The following PPEF1 variants were observed in gnomAD, a reference collection of about 807,000 sequenced individuals.
PPEF1 encodes the protein serine/threonine-protein phosphatase with EF-hands 1.
Under a neutral mutation model 53.3 loss-of-function variants are expected in PPEF1, and 12 were observed. The ratio of observed to expected loss-of-function variants is 0.23; its 90% CI spans 0.14 to 0.36. The LOEUF is 0.36. Among genes scored for constraint, PPEF1 ranks in the 10% least tolerant of loss-of-function variants. The pLI, the probability that PPEF1 is intolerant of heterozygous loss-of-function variation, is 1.00. For synonymous variants in PPEF1, 165 were observed against 176.7 expected (o/e 0.93, Z 0.52); for missense variants, 334 against 490.4 (o/e 0.68, Z 3.01).
Position 18,806,501 on chromosome X carries a change from G to A in PPEF1, c.1350G>A (p.Gln450=). ...CTGGTACAACTCCTCGATTTTTCCA[G>A]TACCAAGTAACTAAAGCAACGTGCT... The part of the protein sequence containing the change: ...LCSGTTPRFF[Q]YQVTKATCFQ... The change falls in exon 12 of 16, where the codon CAG becomes CAA. Residue 450 remains glutamine, a synonymous_variant. Coordinates refer to ENST00000470157, the MANE Select transcript of PPEF1 (RefSeq NM_001377996.1). The A allele has an allele frequency of 8.3e-7, 1 of 1,209,944 alleles. No homozygotes were observed. Among genetic ancestry groups the A allele is most frequent in the Non-Finnish European group, 1.1e-6 (1 of 894,408 alleles).
intron 3 of PPEF1, among the ~76,000 whole-genome samples, chrX:18,743,446 CTTT>C (rs72264344): frequency 1.8e-3 from 107 of 59,327 alleles, no homozygotes; most frequent in African/African-American, 7.4e-3. Context: ...TTCTCTTTTT[CTTT>C]TTTTTTTTTT....
intron 13 of PPEF1, among the ~76,000 whole-genome samples, chrX:18,820,046 A>G (rs370685384): frequency 4.4e-4 from 49 of 111,964 alleles, no homozygotes; most frequent in African/African-American, 1.6e-3. Context: ...CCATAGAATC[A>G]TATACACCAA....
intron 10 of PPEF1, among the ~76,000 whole-genome samples, chrX:18,795,368 C>T (rs1318485532): frequency 1.8e-5 from 2 of 112,025 alleles, no homozygotes; most frequent in East Asian, 5.6e-4. Flanking sequence ...GTCTGCCAAG[C>T]CCCTAACACT....
intron 10 of PPEF1, among the ~76,000 whole-genome samples, chrX:18,795,041 G>A (rs984036767): frequency 1.8e-5 from 2 of 112,198 alleles, no homozygotes; most frequent in African/African-American, 3.2e-5. Flanking sequence ...TGGGCGTGGT[G>A]GCTCACGCCT....
chrX:18,754,856 T>C (rs1276671068), intron 4 of PPEF1, among the ~76,000 whole-genome samples: 2 of 111,849 alleles, frequency 1.8e-5, no homozygotes, highest in Admixed American at 1.9e-4. Context: ...CCACTTCGGC[T>C]TCCCAAAGTG....
At chrX:18,703,066 A>G (rs898281502), upstream of PPEF1, among the ~76,000 whole-genome samples, 3 of 110,929 alleles carry the variant, frequency 2.7e-5, no homozygotes, top group African/African-American at 9.9e-5. Context: ...TTACCAAGTC[A>G]TGGAAAATCC....
At chrX:18,686,871 G>A (rs1007978762) in intron 3 of PPEF1, among the ~76,000 whole-genome samples, 1 of 75,962 alleles carries the variant, frequency 1.3e-5, no homozygotes, top group South Asian at 8.8e-4. Flanking sequence ...GCTTAACACA[G>A]AGCGCTTGGT....
upstream of PPEF1, among the ~76,000 whole-genome samples, chrX:18,680,966 A>G (rs1308772227): frequency 1.8e-5 from 2 of 111,317 alleles, no homozygotes; most frequent in African/African-American, 6.5e-5. Context: ...TTATGGCTGC[A>G]TAGTATTCTA....
chrX:18,744,171 G>C (rs891435950), intron 3 of PPEF1, among the ~76,000 whole-genome samples: 2 of 112,046 alleles, frequency 1.8e-5, no homozygotes, highest in Non-Finnish European at 3.8e-5. Context: ...GATTACAGGC[G>C]TGAGCCATTG....
intron 1 of PPEF1, among the ~76,000 whole-genome samples, chrX:18,720,606 A>C (rs1202890390): frequency 9.0e-6 from 1 of 111,235 alleles, no homozygotes; most frequent in South Asian, 3.8e-4. Context: ...AAAAAACAAA[A>C]ATTTCTTTCA....
In PPEF1 at chrX:18,776,227, G is replaced by A. The variant is rs762778638; in HGVS notation, c.559-2783G>A. Reference sequence around the variant, plus strand: ...TTTCTTTGTGGTTGGTTGGTTGGTTGGTTGGTTGGTTGGTTGGTTTGTTTT... The same window carrying A: ...TTTCTTTGTGGTTGGTTGGTTGGTTAGTTGGTTGGTTGGTTGGTTTGTTTT... On this transcript the variant is annotated intron_variant, in intron 6 of 15. Coordinates refer to ENST00000470157, the MANE Select transcript of PPEF1 (RefSeq NM_001377996.1). 4.5e-5 allele frequency among the ~76,000 whole-genome samples: 5 copies of A among 110,616 alleles called. No homozygotes were observed. The East Asian group carries it at 1.4e-3, about 32-fold the overall frequency.
chrX:18,691,707 TAAAG>T (rs1386924780), intron 4 of PPEF1: 4 of 112,170 alleles, frequency 3.6e-5, no homozygotes, highest in Non-Finnish European at 7.5e-5. Flanking sequence ...ACATACAAGA[TAAAG>T]AAACAGATTG....
At chrX:18,719,052 A>G (rs1479419771) in intron 1 of PPEF1, among the ~76,000 whole-genome samples, 2 of 112,466 alleles carry the variant, frequency 1.8e-5, no homozygotes, top group Non-Finnish European at 3.8e-5. Flanking sequence ...TGAATAGAAC[A>G]CATTTCCTAT....
At chrX:18,775,125 G>A (rs1226146798) in intron 6 of PPEF1, among the ~76,000 whole-genome samples, 1 of 106,271 alleles carries the variant, frequency 9.4e-6, no homozygotes, top group African/African-American at 3.4e-5. Context: ...AATGATGAGA[G>A]TAAGAGATTT....
chrX:18,729,562 G>T (rs1340318878), intron 1 of PPEF1, among the ~76,000 whole-genome samples: 1 of 112,036 alleles, frequency 8.9e-6, no homozygotes, highest in Admixed American at 9.5e-5. Context: ...GTTGCTATGG[G>T]TTTATTTAAT....
chrX:18,723,744 A>AAGGTG (rs2044641348), intron 1 of PPEF1, among the ~76,000 whole-genome samples: 4 of 109,043 alleles, frequency 3.7e-5, no homozygotes, highest in African/African-American at 1.3e-4. Context: ...TGTGAGCGGG[A>AAGGTG]GAAGGTGTGG....
In PPEF1 at chrX:18,783,882, C is replaced by G. The variant is rs1039479413; in HGVS notation, c.763-17C>G. ...ACCTGTCAGAAAAACAAAACTTACT[C>G]AAGCTCTTACTTACAGCTACATGGA... On this transcript the variant is annotated splice_polypyrimidine_tract_variant and intron_variant, in intron 8 of 15. Coordinates refer to ENST00000470157, the MANE Select transcript of PPEF1 (RefSeq NM_001377996.1). 2 of 1,199,070 alleles carry G rather than the reference C, an allele frequency of 1.7e-6. No individual in the cohort carries two copies. Among genetic ancestry groups the G allele is most frequent in the Non-Finnish European group, 2.2e-6 (2 of 889,876 alleles).
intron 12 of PPEF1, among the ~76,000 whole-genome samples, chrX:18,815,961 C>T (rs1317854129): frequency 8.4e-5 from 9 of 106,970 alleles, no homozygotes; most frequent in African/African-American, 1.3e-4. Context: ...AGTGCAATGG[C>T]GTGATCTCGG....
At chrX:18,697,825 A>G (rs1053320332) in intron 4 of PPEF1, 4 of 110,915 alleles carry the variant, frequency 3.6e-5, no homozygotes, top group African/African-American at 1.3e-4. Context: ...CACTCTGCCC[A>G]TCATTTTTTC....
Sources: gnomAD v4.1 joint callset for allele counts (sites outside exome capture counted in the v4.1 genomes callset) on GRCh38, gnomAD v4.1.1 for gene constraint, MANE v1.5 for transcripts, NCBI Gene and HGNC (gene_info 2026-07-23, HGNC 2026-07-21) for gene names.